CORO2B: variants seen among roughly 807,000 people sequenced by gnomAD.
The protein encoded by CORO2B is coronin-2B.
Under a neutral mutation model 58.8 loss-of-function variants are expected in CORO2B, and 26 were observed. The observed-to-expected ratio is 0.44, with a 90% CI of 0.32 to 0.61. The LOEUF (loss-of-function observed/expected upper bound fraction) is 0.61, where lower values mean the gene tolerates loss of function less well. CORO2B is among the 20% of genes least tolerant of loss of function. CORO2B has a pLI of 0.04. For missense variants in CORO2B, 460 were observed against 645.1 expected (o/e 0.71, Z 3.11); for synonymous variants, 242 against 253.8 (o/e 0.95, Z 0.44).
the CORO2B span, among the ~76,000 whole-genome samples, chr15:68,538,488 G>A: frequency 2.0e-5 from 3 of 152,194 alleles, no homozygotes; most frequent in Non-Finnish European, 4.4e-5. Flanking sequence ...TGACTGTGAG[G>A]AGGTCCTGGG....
At position 68,645,454 on chromosome 15, in the gene CORO2B, G is replaced by A; in HGVS notation, c.216+94G>A. ...AGGCCTGTTGACCCTACTTCTCTCT[G>A]AGTTCCCACCTTTTACTTCCTCATC... On this transcript the variant is annotated intron_variant, in intron 2 of 11. Coordinates refer to ENST00000261861, the MANE Select transcript of CORO2B (RefSeq NM_006091.5). This position sits in a 1 kb window ranked among gnomAD's most constrained non-coding sequence, Gnocchi z 4.5. 1 of 1,199,592 alleles carries A rather than the reference G, an allele frequency of 8.3e-7. No homozygotes were observed. The highest frequency in any genetic ancestry group is 1.2e-6 in the Non-Finnish European group (1 of 857,622). The allele number at this position is 1,199,592 out of a possible 1,614,324, so 74.3% of individuals were successfully genotyped here.
chr15:68,530,753 C>G, the CORO2B span, among the ~76,000 whole-genome samples: 1 of 152,022 alleles, frequency 6.6e-6, no homozygotes, highest in Non-Finnish European at 1.5e-5. Context: ...AACACTACTT[C>G]TTCTGATACT....
chr15:68,608,344 A>G (rs1253493385), intron 1 of CORO2B, among the ~76,000 whole-genome samples: 3 of 152,182 alleles, frequency 2.0e-5, no homozygotes, highest in Non-Finnish European at 4.4e-5. Context: ...CCTGGGAGAA[A>G]AGCCAGCAAG....
intron 2 of CORO2B, among the ~76,000 whole-genome samples, chr15:68,667,151 C>T (rs1329750228): frequency 6.6e-6 from 1 of 152,142 alleles, no homozygotes; most frequent in African/African-American, 2.4e-5. Flanking sequence ...TGAAGTCCTG[C>T]CCCACCCTGG....
At chr15:68,548,189 A>ATATATATG in the CORO2B span, among the ~76,000 whole-genome samples, 769 of 145,012 alleles carry the variant, frequency 5.3e-3, 4 homozygotes, top group South Asian at 0.013. Flanking sequence ...ATATATATAT[A>ATATATATG]TGTGTGTGTG....
chr15:68,557,073 G>C, the CORO2B span, among the ~76,000 whole-genome samples: 1 of 152,202 alleles, frequency 6.6e-6, no homozygotes, highest in African/African-American at 2.4e-5. Flanking sequence ...TTCTGCTTTG[G>C]TTTGGCCATA....
At chr15:68,688,096 T>C (rs1903047806) in intron 2 of CORO2B, among the ~76,000 whole-genome samples, 3 of 152,244 alleles carry the variant, frequency 2.0e-5, no homozygotes, top group African/African-American at 7.2e-5. Context: ...AACTTGCAAA[T>C]CTGGTAGGCA....
At chr15:68,599,963 C>T (rs1478964894) in intron 1 of CORO2B, among the ~76,000 whole-genome samples, 2 of 152,222 alleles carry the variant, frequency 1.3e-5, no homozygotes, top group Admixed American at 1.3e-4. Flanking sequence ...CCTCCCACCC[C>T]TTGGTGTGGA....
chr15:68,620,255 G>A (rs901224555), intron 1 of CORO2B, among the ~76,000 whole-genome samples: 3 of 152,160 alleles, frequency 2.0e-5, no homozygotes, highest in African/African-American at 7.2e-5. Flanking sequence ...AAAAAAGGTA[G>A]CTAGGACATC....
chr15:68,612,794 C>T (rs1900273465), intron 1 of CORO2B, among the ~76,000 whole-genome samples: 1 of 152,220 alleles, frequency 6.6e-6, no homozygotes, highest in Non-Finnish European at 1.5e-5. Flanking sequence ...TTTAGGATTC[C>T]ACCAGCTCTG....
chr15:68,553,441 G>T, the CORO2B span, among the ~76,000 whole-genome samples: 4 of 152,158 alleles, frequency 2.6e-5, no homozygotes, highest in Admixed American at 6.5e-5. Flanking sequence ...TACAAGGAAG[G>T]GCCCAGAGCA....
intron 2 of CORO2B, among the ~76,000 whole-genome samples, chr15:68,693,269 A>G (rs1271584735): frequency 6.6e-6 from 1 of 152,234 alleles, no homozygotes; most frequent in Non-Finnish European, 1.5e-5. Flanking sequence ...ACAGAGATGC[A>G]GGCAGGAAGT....
intron 11 of CORO2B, among the ~76,000 whole-genome samples, chr15:68,724,532 A>G (rs1437413521): frequency 6.6e-6 from 1 of 152,206 alleles, no homozygotes; most frequent in Non-Finnish European, 1.5e-5. Flanking sequence ...ACAGTCATGC[A>G]GCCACCATCA....
chr15:68,555,061 A>T, the CORO2B span, among the ~76,000 whole-genome samples: 1 of 152,060 alleles, frequency 6.6e-6, no homozygotes, highest in Non-Finnish European at 1.5e-5. Flanking sequence ...ACTGCCCAGC[A>T]TCAAGGCAGG....
chr15:68,626,992 A>G (rs1900699983), intron 1 of CORO2B, among the ~76,000 whole-genome samples: 2 of 151,794 alleles, frequency 1.3e-5, no homozygotes, highest in South Asian at 4.2e-4. Flanking sequence ...GTGTAGCAAG[A>G]CTCCTGGGTT....
At chr15:68,642,403 C>G (rs1239144929) in intron 1 of CORO2B, among the ~76,000 whole-genome samples, 2 of 152,086 alleles carry the variant, frequency 1.3e-5, no homozygotes, top group Non-Finnish European at 2.9e-5. Flanking sequence ...AGTCTAGAAA[C>G]AGGCCTTGTG....
intron 3 of CORO2B, among the ~76,000 whole-genome samples, chr15:68,707,963 A>G (rs1467508719): frequency 6.7e-6 from 1 of 148,992 alleles, no homozygotes; most frequent in African/African-American, 2.5e-5. Flanking sequence ...CCACCATCTC[A>G]CAGGACTGTA....
At chr15:68,612,775 A>AG (rs1285367220) in intron 1 of CORO2B, among the ~76,000 whole-genome samples, 2 of 152,250 alleles carry the variant, frequency 1.3e-5, no homozygotes, top group African/African-American at 4.8e-5. Flanking sequence ...GGAATGGGGC[A>AG]GGAAGATCTT....
chr15:68,691,327 C>CAAAAAAAAAAAAAAAAAA lies in CORO2B; in HGVS notation c.217-3797_217-3796insAAAAAAAAAAAAAAAAAA. 2.1e-4 allele frequency among the ~76,000 whole-genome samples: 2 copies of CAAAAAAAAAAAAAAAAAA among 9,540 alleles called. 1 individual carries two copies. The highest frequency in any genetic ancestry group is 6.4e-4 in the Non-Finnish European group (2 of 3,140). 6.3% of individuals were successfully genotyped at this position (9,540 alleles called of 152,430 possible). A position where few individuals can be genotyped will look rare whatever the true frequency, so the allele number is the denominator to read the frequency against. On this transcript the variant is annotated intron_variant, in intron 2 of 11. Coordinates refer to ENST00000261861, the MANE Select transcript of CORO2B (RefSeq NM_006091.5). ...CCTGGGAGACAGCGAGACTCCGTCT[C>CAAAAAAAAAAAAAAAAAA]AAAAAAAAAAAAAAAAGGCCGGGCG...
Sources: allele counts gnomAD v4.1 joint callset (sites outside exome capture counted in the v4.1 genomes callset), GRCh38; gene constraint gnomAD v4.1.1; non-coding constraint Gnocchi (gnomAD v3.1); transcripts MANE v1.5; gene names NCBI Gene and HGNC (gene_info 2026-07-23, HGNC 2026-07-21).